The following TTC7A variants were observed in gnomAD, a reference collection of about 807,000 sequenced individuals.
The protein encoded by TTC7A is tetratricopeptide repeat protein 7A.
In TTC7A, 110 loss-of-function variants were observed where a neutral mutation model predicts 103.7. The ratio of observed to expected loss-of-function variants is 1.06; its 90% CI spans 0.91 to 1.24. The LOEUF (loss-of-function observed/expected upper bound fraction) is 1.24. TTC7A is among the 50% of genes most tolerant of loss of function. TTC7A has a pLI of 0.00. For missense variants in TTC7A, 1,340 were observed against 1,116.3 expected (o/e 1.20, Z -2.86); for synonymous variants, 521 against 467.9 (o/e 1.11, Z -1.47).
chr2:47,047,646 C>T (rs571273768), intron 16 of TTC7A, among the ~76,000 whole-genome samples: 76 of 152,348 alleles, frequency 5.0e-4, no homozygotes, highest in Non-Finnish European at 1.0e-3. Flanking sequence ...CGCTCTGTTC[C>T]TGCATCCTTA....
Position 46,983,832 on chromosome 2 carries a change from A to G in TTC7A, c.764+4925A>G, listed in dbSNP as rs543657989. ...AAAACAGTTTGCTGACCCCTGCACTACAGAGGTTAAGGAGTCCTCCCTCCC... is the reference window on the plus strand; with the variant it reads ...AAAACAGTTTGCTGACCCCTGCACTGCAGAGGTTAAGGAGTCCTCCCTCCC... On this transcript the variant is annotated intron_variant, in intron 5 of 19. Transcript: ENST00000319190. Among the ~76,000 whole-genome samples, 3 of 152,306 alleles carry G rather than the reference A, an allele frequency of 2.0e-5. No homozygotes were observed. The East Asian group carries it at 5.8e-4, about 29-fold the overall frequency.
intron 11 of TTC7A, among the ~76,000 whole-genome samples, chr2:47,014,434 A>G (rs930186598): frequency 6.6e-6 from 1 of 152,192 alleles, no homozygotes; most frequent in African/African-American, 2.4e-5. Flanking sequence ...AAGGGAGGCA[A>G]CAAGCTCCCC....
chr2:47,043,774 A>G (rs1016424538), intron 15 of TTC7A, among the ~76,000 whole-genome samples: 1 of 152,054 alleles, frequency 6.6e-6, no homozygotes, highest in African/African-American at 2.4e-5. Context: ...GGGTTGAGAA[A>G]ATCCGCTCTG....
chr2:46,994,341 C>A lies in TTC7A; in HGVS notation c.844-16C>A. On this transcript the variant is annotated splice_polypyrimidine_tract_variant and intron_variant, in intron 6 of 19. Transcript: ENST00000319190. ...TGACAACTGTGCCTGGGTCCGAGTG[C>A]TTCCCTCTCTGCCAGATGGCGGCCA... The A allele has an allele frequency of 6.2e-7, 1 of 1,608,156 alleles. No individual in the cohort carries two copies. The highest frequency in any genetic ancestry group is 8.5e-7 in the Non-Finnish European group (1 of 1,176,956).
chr2:47,012,584 T>A (rs1328464685), intron 11 of TTC7A, among the ~76,000 whole-genome samples: 1 of 152,206 alleles, frequency 6.6e-6, no homozygotes, highest in African/African-American at 2.4e-5. Context: ...ACAACTCTTC[T>A]TGCCACTTTC....
At chr2:46,966,853 C>A (rs1283654275) in intron 3 of TTC7A, among the ~76,000 whole-genome samples, 3 of 146,004 alleles carry the variant, frequency 2.1e-5, no homozygotes, top group African/African-American at 7.6e-5. Context: ...ATAGAGTATA[C>A]ATTTTTTGGA....
intron 6 of TTC7A, 35 bp downstream of exon 6, chr2:46,993,563 G>A (rs1216121666): frequency 1.2e-6 from 2 of 1,602,362 alleles, no homozygotes; most frequent in East Asian, 2.2e-5. Context: ...GGCTTATTTA[G>A]GAGTCAGCTT....
At chr2:47,046,007 G>T (rs1444692134) in intron 15 of TTC7A, among the ~76,000 whole-genome samples, 2 of 152,206 alleles carry the variant, frequency 1.3e-5, no homozygotes, top group Non-Finnish European at 2.9e-5. Flanking sequence ...GCAAGACCAG[G>T]ACTCACAGAA....
chr2:46,987,176 C>T (rs1013657715), intron 5 of TTC7A, among the ~76,000 whole-genome samples: 6 of 152,152 alleles, frequency 3.9e-5, no homozygotes, highest in Non-Finnish European at 5.9e-5. Context: ...TTCCCCTCAC[C>T]GCCACTAGAG....
chr2:46,997,737 G>A lies in TTC7A; in HGVS notation c.1065+2538G>A, dbSNP rs140131123. Among the ~76,000 whole-genome samples, 16 of 152,234 alleles carry A rather than the reference G, an allele frequency of 1.1e-4. No individual in the cohort carries two copies. In the East Asian group the frequency reaches 2.9e-3, roughly 28 times the overall value. On this transcript the variant is annotated intron_variant, in intron 8 of 19. Coordinates refer to ENST00000319190, the MANE Select transcript of TTC7A (RefSeq NM_020458.4). ...AGGAGGTGACTTTGGGGATCAGAGGGCTTTGTAAAAGGGACAAGCCTGTCA... is the reference window on the plus strand; with the variant it reads ...AGGAGGTGACTTTGGGGATCAGAGGACTTTGTAAAAGGGACAAGCCTGTCA...
upstream of TTC7A, chr2:46,916,101 G>A (rs1209623620): frequency 4.1e-6 from 4 of 985,466 alleles, no homozygotes; most frequent in South Asian, 4.7e-5. Context: ...GGCGACGTAG[G>A]ATGGCGGATC....
chr2:47,051,795 G>A lies in TTC7A; in HGVS notation c.2067G>A (p.Met689Ile), dbSNP rs1387193729. ...SIAASRLEEA[M>I]SELTMPSSVL... ...CCGCCTCCCGGCTGGAGGAGGCCAT[G>A]TCAGAGCTGACTATGCCCTCTTCGG... Residue 689 changes from methionine (M) to isoleucine (I), a missense_variant, in exon 18 of 20, where the codon ATG becomes ATA. Coordinates refer to ENST00000319190, the MANE Select transcript of TTC7A (RefSeq NM_020458.4). The A allele has an allele frequency of 3.1e-6, 5 of 1,611,668 alleles. No homozygotes were observed. Among genetic ancestry groups the A allele is most frequent in the Admixed American group, 3.3e-5 (2 of 60,004 alleles).
intron 3 of TTC7A, among the ~76,000 whole-genome samples, chr2:46,970,668 G>A (rs961020970): frequency 5.3e-5 from 8 of 152,224 alleles, no homozygotes; most frequent in Admixed American, 1.3e-4. Flanking sequence ...TCGTAGGTTC[G>A]CCCCACCTTC....
At chr2:46,963,744 C>T (rs926980124) in intron 3 of TTC7A, among the ~76,000 whole-genome samples, 3 of 152,188 alleles carry the variant, frequency 2.0e-5, no homozygotes, top group African/African-American at 7.2e-5. Flanking sequence ...GGGGGCTCAG[C>T]TATTGAGGTC....
At chr2:46,986,720 C>G (rs1026156153) in intron 5 of TTC7A, among the ~76,000 whole-genome samples, 3 of 152,178 alleles carry the variant, frequency 2.0e-5, no homozygotes, top group Non-Finnish European at 4.4e-5. Flanking sequence ...GCCAGCGAGA[C>G]TAAGGAGACC....
At chr2:47,022,977 A>G (rs898036829) in intron 12 of TTC7A, among the ~76,000 whole-genome samples, 3 of 152,250 alleles carry the variant, frequency 2.0e-5, no homozygotes, top group African/African-American at 7.2e-5. Context: ...AGCCAAGGCT[A>G]AGAACACCTG....
intron 15 of TTC7A, among the ~76,000 whole-genome samples, chr2:47,045,184 C>G (rs1236960703): frequency 6.6e-6 from 1 of 152,214 alleles, no homozygotes; most frequent in African/African-American, 2.4e-5. Context: ...GGTTCAAACT[C>G]TTCGCAGGCT....
chr2:47,019,052 C>A (rs927334114), intron 11 of TTC7A, among the ~76,000 whole-genome samples: 7 of 152,174 alleles, frequency 4.6e-5, no homozygotes, highest in African/African-American at 7.2e-5. Flanking sequence ...TTCTCAAGGG[C>A]TTTAGGATTT....
chr2:47,032,926 A>G (rs1680721098), intron 15 of TTC7A, among the ~76,000 whole-genome samples: 1 of 150,990 alleles, frequency 6.6e-6, no homozygotes, highest in Admixed American at 6.6e-5. Context: ...AATACTATAT[A>G]TATGGCTGGG....
Sources: allele counts gnomAD v4.1 joint callset (sites outside exome capture counted in the v4.1 genomes callset), GRCh38; gene constraint gnomAD v4.1.1; transcripts MANE v1.5; gene names NCBI Gene and HGNC (gene_info 2026-07-23, HGNC 2026-07-21).